WDR7: variants seen among roughly 807,000 people sequenced by gnomAD.
WDR7 encodes the protein WD repeat domain 7, also known as WD repeat-containing protein 7.
Under a neutral mutation model 169.4 loss-of-function variants are expected in WDR7, and 46 were observed. The ratio of observed to expected loss-of-function variants is 0.27; its 90% CI spans 0.21 to 0.35. WDR7 has a LOEUF of 0.35. Ranked by LOEUF, WDR7 falls within the 10% of genes least tolerant of loss-of-function variation. The pLI, the probability that WDR7 is intolerant of heterozygous loss-of-function variation, is 1.00. For synonymous variants in WDR7, 612 were observed against 666.8 expected (o/e 0.92, Z 1.27); for missense variants, 1,534 against 1,859.3 (o/e 0.83, Z 3.22).
chr18:56,834,944 C>G (rs1568222265), intron 20 of WDR7, among the ~76,000 whole-genome samples: 2 of 152,166 alleles, frequency 1.3e-5, no homozygotes, highest in Non-Finnish European at 2.9e-5. Flanking sequence ...ATGTGATGAA[C>G]AAGCCTTCTG....
chr18:56,696,590 T>C, intron 12 of WDR7, 128 bp downstream of exon 12: 1 of 832,572 alleles, frequency 1.2e-6, no homozygotes, highest in Non-Finnish European at 1.8e-6. Context: ...ACCCTTTCAA[T>C]TTTAAAACTA....
intron 25 of WDR7, among the ~76,000 whole-genome samples, chr18:56,955,218 A>G (rs2047235018): frequency 6.6e-6 from 1 of 152,134 alleles, no homozygotes; most frequent in Admixed American, 6.6e-5. Flanking sequence ...CTATATTCAC[A>G]AGTAGAACTC....
chr18:56,696,204 T>G, intron 11 of WDR7, 38 bp from the exon 12 acceptor site: 1 of 1,537,592 alleles, frequency 6.5e-7, no homozygotes, highest in Non-Finnish European at 8.8e-7. Flanking sequence ...TGGTAAACCT[T>G]TAATTTTCCC....
intron 14 of WDR7, among the ~76,000 whole-genome samples, chr18:56,739,732 A>G (rs1355297828): frequency 6.6e-6 from 1 of 151,406 alleles, no homozygotes; most frequent in Non-Finnish European, 1.5e-5. Flanking sequence ...TAAAGATTTC[A>G]TTATCTTCTC....
intron 12 of WDR7, among the ~76,000 whole-genome samples, chr18:56,710,062 G>C (rs1381392910): frequency 1.4e-5 from 2 of 144,602 alleles, no homozygotes; most frequent in African/African-American, 5.2e-5. Flanking sequence ...GGAGTGCAGT[G>C]GCGCAATCTC....
At chr18:56,715,160 T>C (rs1474193425) in intron 12 of WDR7, among the ~76,000 whole-genome samples, 1 of 152,186 alleles carries the variant, frequency 6.6e-6, no homozygotes, top group Non-Finnish European at 1.5e-5. Context: ...AGAAAACCTT[T>C]TTTCTTTGCT....
chr18:57,031,095 T>C (rs1286201878), downstream of WDR7: 1 of 152,198 alleles, frequency 6.6e-6, no homozygotes, highest in Non-Finnish European at 1.5e-5. Flanking sequence ...TGTTTTGTTT[T>C]GTTTTGTTTT....
chr18:56,857,275 T>G (rs116394830), intron 20 of WDR7, among the ~76,000 whole-genome samples: 135 of 152,254 alleles, frequency 8.9e-4, no homozygotes, highest in African/African-American at 3.2e-3. Context: ...TTTTTCTTTT[T>G]TCGAAGCAGG....
At chr18:57,011,885 A>G (rs2048141822) in intron 26 of WDR7, among the ~76,000 whole-genome samples, 1 of 152,212 alleles carries the variant, frequency 6.6e-6, no homozygotes, top group Admixed American at 6.5e-5. Flanking sequence ...TTTGCGTCCC[A>G]AGTGAGAAAG....
At chr18:56,690,817 G>A (rs1271743880) in intron 7 of WDR7, among the ~76,000 whole-genome samples, 7 of 149,658 alleles carry the variant, frequency 4.7e-5, no homozygotes, top group African/African-American at 5.0e-5. Context: ...TTTGTCTCAA[G>A]AAAAAAAAAA....
At position 56,758,969 on chromosome 18, in the gene WDR7, A is replaced by G. The variant is rs1351282312; in HGVS notation, c.2848+16A>G. On this transcript the variant is annotated intron_variant, in intron 16 of 27. Transcript: ENST00000254442. The stretch of plus-strand genomic sequence containing the variant: ...ATTAAACAAGGTAAAATTAAATCTT[A>G]TTAAGTAATTGACATGACATTTCAG... The G allele has an allele frequency of 1.9e-6, 3 of 1,592,162 alleles. No homozygotes were observed. The highest frequency in any genetic ancestry group is 1.3e-5 in the African/African-American group (1 of 74,382).
intron 9 of WDR7, among the ~76,000 whole-genome samples, chr18:56,694,173 T>A (rs1051190107): frequency 2.0e-5 from 3 of 152,220 alleles, no homozygotes; most frequent in Non-Finnish European, 2.9e-5. Flanking sequence ...TTTGTTGCTA[T>A]TCTTAATGAT....
At chr18:56,678,570 C>T (rs770396049) in intron 2 of WDR7, among the ~76,000 whole-genome samples, 2 of 152,126 alleles carry the variant, frequency 1.3e-5, no homozygotes, top group African/African-American at 4.8e-5. Context: ...GATCTCGGCT[C>T]ACTGCAACCT....
At chr18:56,881,801 G>A (rs1295326899) in intron 21 of WDR7, among the ~76,000 whole-genome samples, 4 of 151,932 alleles carry the variant, frequency 2.6e-5, no homozygotes, top group Non-Finnish European at 5.9e-5. Flanking sequence ...GGCCAGGCTG[G>A]CCTCAAACTC....
intron 19 of WDR7, among the ~76,000 whole-genome samples, chr18:56,784,015 A>G (rs906853579): frequency 6.6e-6 from 1 of 152,184 alleles, no homozygotes; most frequent in Non-Finnish European, 1.5e-5. Flanking sequence ...TTAATTGGAC[A>G]CTTTGTCTGC....
At chr18:56,890,766 G>C (rs2145522171) in intron 21 of WDR7, 1 of 152,232 alleles carries the variant, frequency 6.6e-6, no homozygotes, top group South Asian at 2.1e-4. Context: ...TGACTTGTTT[G>C]TTCTCAGTGC....
At chr18:56,787,308 TTC>T (rs2044416492) in intron 19 of WDR7, among the ~76,000 whole-genome samples, 1 of 152,172 alleles carries the variant, frequency 6.6e-6, no homozygotes, top group African/African-American at 2.4e-5. Context: ...GTACGTTGTA[TTC>T]TGCCTGCTCA....
intron 20 of WDR7, among the ~76,000 whole-genome samples, chr18:56,822,430 G>A (rs962004154): frequency 6.6e-6 from 1 of 152,132 alleles, no homozygotes; most frequent in Non-Finnish European, 1.5e-5. Flanking sequence ...CTTACTGAAG[G>A]TCCTATTCAT....
intron 19 of WDR7, among the ~76,000 whole-genome samples, chr18:56,815,528 C>A (rs963605862): frequency 1.3e-5 from 2 of 152,108 alleles, no homozygotes; most frequent in African/African-American, 4.8e-5. Flanking sequence ...TATCGAATTC[C>A]TTCATAGAGG....
Sources: gnomAD v4.1 joint callset for allele counts (sites outside exome capture counted in the v4.1 genomes callset) on GRCh38, gnomAD v4.1.1 for gene constraint, MANE v1.5 for transcripts, NCBI Gene and HGNC (gene_info 2026-07-23, HGNC 2026-07-21) for gene names.